GRIP2: variants seen among roughly 807,000 people sequenced by gnomAD.
The protein encoded by GRIP2 is glutamate receptor-interacting protein 2.
GRIP2 carries 58 observed loss-of-function variants against 108.3 expected under a neutral mutation model. That is an observed-to-expected ratio of 0.54 (90% CI 0.43 to 0.67). The LOEUF is 0.67. Among genes scored for constraint, GRIP2 ranks in the 30% least tolerant of loss-of-function variants. The pLI is 0.00. For synonymous variants in GRIP2, 586 were observed against 598.2 expected (o/e 0.98, Z 0.30); for missense variants, 1,278 against 1,430.6 (o/e 0.89, Z 1.72).
Position 14,524,415 on chromosome 3 carries a change from C to T in GRIP2, c.381G>A (p.Val127=), listed in dbSNP as rs896105997. ...KNVGERVVLE[V]EYELPPPAPE... ...CACCGGGCGGGGGCAGCTCATACTC[C>T]ACCTCCAGCACCACGCGCTCGCCCA... Residue 127 remains valine (V), a synonymous_variant, in exon 4 of 24, where the codon GTG becomes GTA. Transcript: ENST00000621039. 6.2e-7 allele frequency: 1 copy of T among 1,609,750 alleles called. No homozygotes were observed. Among genetic ancestry groups the T allele is most frequent in the East Asian group, 2.2e-5 (1 of 44,776 alleles).
the GRIP2 span, among the ~76,000 whole-genome samples, chr3:14,563,164 G>A: frequency 1.8e-4 from 27 of 152,256 alleles, no homozygotes; most frequent in African/African-American, 5.5e-4. Context: ...AAAATTGCAC[G>A]CAGACTGGGT....
chr3:14,532,668 G>A (rs1315668064), intron 1 of GRIP2, among the ~76,000 whole-genome samples: 1 of 152,060 alleles, frequency 6.6e-6, no homozygotes, highest in Non-Finnish European at 1.5e-5. Flanking sequence ...TGAGTTAGGG[G>A]AGGGGGTTCA....
At chr3:14,597,418 G>T in the GRIP2 span, among the ~76,000 whole-genome samples, 1 of 152,204 alleles carries the variant, frequency 6.6e-6, no homozygotes, top group Non-Finnish European at 1.5e-5. Flanking sequence ...GAGAAGCCAA[G>T]AATGCGAGGG....
chr3:14,520,218 A>G lies in GRIP2; in HGVS notation c.922T>C (p.Cys308Arg), dbSNP rs1284415727. The G allele has an allele frequency of 1.2e-6, 2 of 1,613,816 alleles. No homozygotes were observed. Among genetic ancestry groups the G allele is most frequent in the Admixed American group, 3.3e-5 (2 of 60,002 alleles). Reference sequence around the variant, plus strand: ...AGCTTGGTGGCCTCAAGCAGCGAGCAGTGTTCCATGCTGGTGCCATCGATG... The same window carrying G: ...AGCTTGGTGGCCTCAAGCAGCGAGCGGTGTTCCATGCTGGTGCCATCGATG... Reference protein sequence around the residue: ...LSIDGTSMEHCSLLEATKLLA... With the variant: ...LSIDGTSMEHRSLLEATKLLA... The change falls in exon 9 of 24, where the codon TGC (cysteine) becomes CGC (arginine). Residue 308 changes from cysteine to arginine, a missense_variant. By Grantham distance (180) the Cys-to-Arg change is radical. Coordinates refer to ENST00000621039, the MANE Select transcript of GRIP2 (RefSeq NM_001080423.4).
chr3:14,555,044 G>T (rs866074162), intron 1 of GRIP2, among the ~76,000 whole-genome samples: 1 of 152,020 alleles, frequency 6.6e-6, no homozygotes, highest in South Asian at 2.1e-4. Context: ...TGAAGCCTGG[G>T]GTCACACAGC....
In GRIP2 at chr3:14,517,735, C is replaced by T. The variant is rs367598080; in HGVS notation, c.1156+37G>A. ...ATCGCCCCCTCCCTAGGAAAGGCTA[C>T]AAGACTGGCTGAGCTACAGCAGGGC... On this transcript the variant is annotated intron_variant, in intron 10 of 23. Transcript: ENST00000621039. 3.1e-6 allele frequency: 5 copies of T among 1,606,594 alleles called. No individual in the cohort carries two copies. The South Asian group carries it at 3.3e-5, about 11-fold the overall frequency.
intron 16 of GRIP2, 143 bp from the exon 17 acceptor site, chr3:14,510,107 G>A: frequency 1.4e-6 from 1 of 729,574 alleles, no homozygotes; most frequent in Non-Finnish European, 1.9e-6. Context: ...AGCACAACCT[G>A]GGGACCCTGA....
rs1163544764 is a variant in GRIP2 at position 14,503,613 on chromosome 3, C to T, written c.2632G>A (p.Glu878Lys). ...GACTGACCACATGACTCCAGGTCTT[C>T]GAGAGCTTCTCCAAACATGCGCCAG... ...GFWRMFGEAL[E>K]DLESCGQSEL... Residue 878 changes from glutamate (E) to lysine (K), a missense_variant, in exon 21 of 24, where the codon GAA becomes AAA. Glu to Lys is a moderately conservative substitution (Grantham distance 56). Coordinates refer to ENST00000621039, the MANE Select transcript of GRIP2 (RefSeq NM_001080423.4). 3.7e-6 allele frequency: 6 copies of T among 1,610,744 alleles called. No homozygotes were observed. Among genetic ancestry groups the T allele is most frequent in the Admixed American group, 3.3e-5 (2 of 59,724 alleles).
At chr3:14,498,125 G>T (rs1693666281) in intron 21 of GRIP2, among the ~76,000 whole-genome samples, 1 of 152,166 alleles carries the variant, frequency 6.6e-6, no homozygotes, top group African/African-American at 2.4e-5. Context: ...GGGTGCGGGG[G>T]GTTGGTCTTT....
chr3:14,507,615 G>A lies in GRIP2; in HGVS notation c.2164C>T (p.Leu722Phe). 6.2e-7 allele frequency: 1 copy of A among 1,614,032 alleles called. No individual in the cohort carries two copies. The highest frequency in any genetic ancestry group is 8.5e-7 in the Non-Finnish European group (1 of 1,179,888). ...KGRPLSEAIH[L>F]LQVAGETVTL... ...ACGGTCTCTCCAGCCACCTGCAGGA[G>A]GTGGATGGCCTCGCTCAGCGGCCGG... The change falls in exon 18 of 24, where the codon CTC (leucine) becomes TTC (phenylalanine). Residue 722 changes from leucine to phenylalanine, a missense_variant. Leu to Phe is a conservative substitution (Grantham distance 22). Coordinates refer to ENST00000621039, the MANE Select transcript of GRIP2 (RefSeq NM_001080423.4). The surrounding 1 kb of genome is among the most constrained non-coding windows in gnomAD (Gnocchi z 4.6).
chr3:14,583,750 A>G, the GRIP2 span, among the ~76,000 whole-genome samples: 1 of 152,188 alleles, frequency 6.6e-6, no homozygotes. Context: ...GTGGAGTGGT[A>G]CAAGTGAGAT....
rs1427153663 is a variant in GRIP2, at chr3:14,524,459, T to A, written c.337A>T (p.Ile113Phe). Residue 113 changes from isoleucine to phenylalanine, a missense_variant, in exon 4 of 24, where the codon ATC becomes TTC. Physicochemically the swap from Ile to Phe is conservative, Grantham distance 21. Coordinates refer to ENST00000621039, the MANE Select transcript of GRIP2 (RefSeq NM_001080423.4). ...HLTRLRHDEI[I>F]TLLKNVGERV... ...TCGCCCACATTCTTGAGCAGGGTGA[T>A]GATCTCATCGTGGCGGAGCCTGGTC... 4.4e-6 allele frequency: 7 copies of A among 1,599,122 alleles called. No individual in the cohort carries two copies. Among genetic ancestry groups the A allele is most frequent in the Non-Finnish European group, 6.0e-6 (7 of 1,173,126 alleles).
At chr3:14,543,408 C>T (rs1159543694), upstream of GRIP2, among the ~76,000 whole-genome samples, 1 of 152,222 alleles carries the variant, frequency 6.6e-6, no homozygotes, top group Non-Finnish European at 1.5e-5. Context: ...TGTAGTGCAG[C>T]GGGGTGAGAC....
intron 1 of GRIP2, among the ~76,000 whole-genome samples, chr3:14,529,957 G>T (rs1694666054): frequency 6.6e-6 from 1 of 152,146 alleles, no homozygotes; most frequent in Non-Finnish European, 1.5e-5. Flanking sequence ...ATGATTATGG[G>T]TATTTACAAC....
intron 19 of GRIP2, 52 bp downstream of exon 19, chr3:14,506,749 A>G: frequency 6.8e-7 from 1 of 1,476,034 alleles, no homozygotes; most frequent in Non-Finnish European, 9.1e-7. Context: ...GCCCAGCAGC[A>G]GGGGCGGCCT....
chr3:14,499,150 G>A (rs752987248), intron 21 of GRIP2, among the ~76,000 whole-genome samples: 16 of 152,156 alleles, frequency 1.1e-4, no homozygotes, highest in Non-Finnish European at 1.9e-4. Flanking sequence ...AGGTGGGGCC[G>A]GAATCTGCCT....
intron 1 of GRIP2, among the ~76,000 whole-genome samples, chr3:14,530,406 A>AT (rs11393689): frequency 0.3 from 45,815 of 150,802 alleles, 7,743 homozygotes; most frequent in African/African-American, 0.44. Context: ...ATTTCTCTCC[A>AT]TTTTTTGAGT....
upstream of GRIP2, among the ~76,000 whole-genome samples, chr3:14,543,098 C>T (rs573288250): frequency 5.3e-5 from 8 of 152,140 alleles, no homozygotes; most frequent in Non-Finnish European, 1.2e-4. Context: ...CCATTGCACG[C>T]GTGTGAGTCC....
At chr3:14,542,032 C>G, upstream of GRIP2, 1 of 1,352,888 alleles carries the variant, frequency 7.4e-7, no homozygotes, top group South Asian at 1.2e-5. Context: ...ACCCCACTCG[C>G]CTCCATTCCC....
Sources: allele counts gnomAD v4.1 joint callset (sites outside exome capture counted in the v4.1 genomes callset), GRCh38; gene constraint gnomAD v4.1.1; non-coding constraint Gnocchi (gnomAD v3.1); transcripts MANE v1.5; gene names NCBI Gene and HGNC (gene_info 2026-07-23, HGNC 2026-07-21).